SAMMSON: variants seen among roughly 807,000 people sequenced by gnomAD.
The protein encoded by SAMMSON is long intergenic non-protein coding RNA 1212.
intron 2 of SAMMSON, among the ~76,000 whole-genome samples, chr3:70,413,656 C>A (rs767592029): frequency 3.3e-5 from 5 of 152,062 alleles, no homozygotes; most frequent in Non-Finnish European, 5.9e-5. Flanking sequence ...ATACTTCTTA[C>A]AAAACATTTT....
chr3:70,005,138 C>G (rs554068641), intron 1 of SAMMSON, among the ~76,000 whole-genome samples: 1 of 152,148 alleles, frequency 6.6e-6, no homozygotes, highest in South Asian at 2.1e-4. Context: ...TAATCCTGGG[C>G]CAATAGAAAT....
At chr3:70,283,092 T>C (rs1394295082) in intron 6 of SAMMSON, among the ~76,000 whole-genome samples, 2 of 152,134 alleles carry the variant, frequency 1.3e-5, no homozygotes, top group African/African-American at 4.8e-5. Flanking sequence ...CCAATAGGTC[T>C]TGGGTATATT....
intron 4 of SAMMSON, among the ~76,000 whole-genome samples, chr3:70,127,952 T>A (rs1398413841): frequency 6.6e-6 from 1 of 152,158 alleles, no homozygotes; most frequent in Non-Finnish European, 1.5e-5. Flanking sequence ...TGCCCCACAT[T>A]TTATAGATGA....
At chr3:70,128,789 G>C (rs1294709652) in intron 4 of SAMMSON, among the ~76,000 whole-genome samples, 1 of 152,096 alleles carries the variant, frequency 6.6e-6, no homozygotes, top group East Asian at 1.9e-4. Context: ...AGCATTTGGG[G>C]CATGAAATTA....
chr3:70,022,200 G>A (rs2067016322), intron 3 of SAMMSON, among the ~76,000 whole-genome samples: 2 of 144,242 alleles, frequency 1.4e-5, no homozygotes, highest in African/African-American at 2.6e-5. Flanking sequence ...TAATTCAGGG[G>A]ATTCAAATGA....
At chr3:70,197,506 T>C (rs1222449102) in intron 4 of SAMMSON, among the ~76,000 whole-genome samples, 2 of 152,202 alleles carry the variant, frequency 1.3e-5, no homozygotes, top group African/African-American at 4.8e-5. Flanking sequence ...TAGCTACCTC[T>C]CTGGAAACCT....
intron 4 of SAMMSON, among the ~76,000 whole-genome samples, chr3:70,211,047 CTT>C (rs1202011856): frequency 1.3e-5 from 2 of 152,026 alleles, no homozygotes; most frequent in Non-Finnish European, 2.9e-5. Flanking sequence ...CTAAATGTGA[CTT>C]TGTAATTTTT....
At chr3:70,325,512 C>A (rs1300788596) in intron 7 of SAMMSON, among the ~76,000 whole-genome samples, 1 of 152,078 alleles carries the variant, frequency 6.6e-6, no homozygotes, top group Admixed American at 6.6e-5. Context: ...TCTAATTGTG[C>A]TGTGAGAGAG....
chr3:70,367,709 C>T (rs529718906), intron 9 of SAMMSON, among the ~76,000 whole-genome samples: 1 of 151,640 alleles, frequency 6.6e-6, no homozygotes, highest in East Asian at 1.9e-4. Flanking sequence ...ATTTCTTTGA[C>T]TTACTGATTT....
At chr3:70,255,845 C>T (rs1701810554) in intron 6 of SAMMSON, among the ~76,000 whole-genome samples, 1 of 152,140 alleles carries the variant, frequency 6.6e-6, no homozygotes, top group Admixed American at 6.5e-5. Flanking sequence ...TGGAAGCCTC[C>T]ATAACTTTAG....
At chr3:70,021,018 A>T (rs2067011155) in intron 3 of SAMMSON, among the ~76,000 whole-genome samples, 2 of 152,182 alleles carry the variant, frequency 1.3e-5, no homozygotes, top group South Asian at 4.1e-4. Flanking sequence ...TCTGGAGATT[A>T]TGATGCCATA....
chr3:70,126,244 G>T, intron 4 of SAMMSON: 1 of 1,021,382 alleles, frequency 9.8e-7, no homozygotes, highest in Non-Finnish European at 1.5e-6. Flanking sequence ...TCTTCAACAG[G>T]GTCATCAGAC....
chr3:70,197,141 A>C (rs1242547301), intron 4 of SAMMSON: 2 of 398,580 alleles, frequency 5.0e-6, no homozygotes, highest in South Asian at 1.3e-4. Flanking sequence ...AGACAGTCCC[A>C]AAACTGGCAA....
At chr3:70,281,574 A>T (rs549178804) in intron 6 of SAMMSON, among the ~76,000 whole-genome samples, 150 of 152,232 alleles carry the variant, frequency 9.9e-4, no homozygotes, top group African/African-American at 3.5e-3. Flanking sequence ...GCTCAAAACA[A>T]ACAAACAAAT....
chr3:70,289,609 C>G (rs1429631368), intron 6 of SAMMSON, among the ~76,000 whole-genome samples: 3 of 150,014 alleles, frequency 2.0e-5, no homozygotes, highest in African/African-American at 7.3e-5. Context: ...GTTGGCCTGC[C>G]TTGCTAGATT....
At chr3:70,375,890 G>C (rs1703010324) in intron 9 of SAMMSON, among the ~76,000 whole-genome samples, 1 of 152,012 alleles carries the variant, frequency 6.6e-6, no homozygotes, top group African/African-American at 2.4e-5. Flanking sequence ...AATCTAAACT[G>C]TTTTGGGTAG....
intron 3 of SAMMSON, among the ~76,000 whole-genome samples, chr3:70,058,145 C>A (rs2067174728): frequency 6.6e-6 from 1 of 151,966 alleles, no homozygotes; most frequent in African/African-American, 2.4e-5. Context: ...GAGGAAGAAC[C>A]AGATACACAT....
chr3:70,177,633 A>G (rs1013489343), intron 4 of SAMMSON, among the ~76,000 whole-genome samples: 4 of 152,142 alleles, frequency 2.6e-5, no homozygotes, highest in African/African-American at 9.7e-5. Context: ...ACTAAAATTT[A>G]TTGAGAATTT....
chr3:70,180,053 A>G (rs886756584), intron 4 of SAMMSON, among the ~76,000 whole-genome samples: 11 of 151,234 alleles, frequency 7.3e-5, no homozygotes, highest in African/African-American at 2.7e-4. Context: ...TGAAGAAAAA[A>G]ATGGGTAGAA....
Sources: gnomAD v4.1 joint callset for allele counts (sites outside exome capture counted in the v4.1 genomes callset) on GRCh38, gnomAD v4.1.1 for gene constraint, MANE v1.5 for transcripts, NCBI Gene and HGNC (gene_info 2026-07-23, HGNC 2026-07-21) for gene names.